ACTR3C: variants seen among roughly 807,000 people sequenced by gnomAD.
ACTR3C encodes the protein actin related protein 3C, also known as actin-related protein 3C.
In ACTR3C, 18 loss-of-function variants were observed where a neutral mutation model predicts 26.3. The observed-to-expected ratio is 0.68, with a 90% CI of 0.47 to 1.01. The LOEUF (loss-of-function observed/expected upper bound fraction) is 1.01, where lower values mean the gene tolerates loss of function less well. ACTR3C is among the 50% of genes least tolerant of loss of function. ACTR3C has a pLI of 0.00. For synonymous variants in ACTR3C, 55 were observed against 94.5 expected (o/e 0.58, Z 2.42); for missense variants, 184 against 250.7 (o/e 0.73, Z 1.80).
chr7:150,270,632 A>G (rs1483518654), intron 6 of ACTR3C, among the ~76,000 whole-genome samples: 1 of 152,044 alleles, frequency 6.6e-6, no homozygotes, highest in Non-Finnish European at 1.5e-5. Context: ...CCTGCAGCCC[A>G]TGTGCTCAGC....
intron 6 of ACTR3C, among the ~76,000 whole-genome samples, chr7:150,261,701 C>CATAAATAA (rs200953239): frequency 1.4e-4 from 15 of 109,428 alleles, no homozygotes; most frequent in East Asian, 1.2e-3. Context: ...GACTCCATCT[C>CATAAATAA]ATAAATAAAT....
At chr7:150,009,215 C>T in the ACTR3C span, among the ~76,000 whole-genome samples, 4 of 152,188 alleles carry the variant, frequency 2.6e-5, no homozygotes, top group African/African-American at 9.7e-5. Context: ...TGCTGTGCCA[C>T]GAGGGGCTTC....
At chr7:150,110,883 G>A in the ACTR3C span, among the ~76,000 whole-genome samples, 2 of 145,778 alleles carry the variant, frequency 1.4e-5, no homozygotes, top group African/African-American at 2.7e-5. Flanking sequence ...CTGGGGGCGG[G>A]GCTGGCCACT....
chr7:150,036,991 C>T, the ACTR3C span, among the ~76,000 whole-genome samples: 1 of 55,406 alleles, frequency 1.8e-5, no homozygotes, highest in African/African-American at 5.6e-5. Context: ...GCGGGGGGTG[C>T]CTCCGCCCCC....
At chr7:149,921,806 G>C in the ACTR3C span, among the ~76,000 whole-genome samples, 1 of 152,076 alleles carries the variant, frequency 6.6e-6, no homozygotes, top group East Asian at 1.9e-4. Context: ...GAACCCAGGA[G>C]GCAGAGGTTG....
the ACTR3C span, among the ~76,000 whole-genome samples, chr7:150,088,482 TA>T: frequency 6.6e-6 from 1 of 152,182 alleles, no homozygotes; most frequent in African/African-American, 2.4e-5. Context: ...GCGAAGGAAA[TA>T]AACAAAGAAA....
the ACTR3C span, among the ~76,000 whole-genome samples, chr7:150,133,256 T>C: frequency 4.6e-3 from 701 of 152,136 alleles, 7 homozygotes; most frequent in African/African-American, 0.016. Context: ...AGAGAAACAC[T>C]CCCGAGGTCA....
chr7:150,312,275 C>A (rs1796394218), intron 1 of ACTR3C, among the ~76,000 whole-genome samples: 1 of 152,202 alleles, frequency 6.6e-6, no homozygotes, highest in Admixed American at 6.5e-5. Flanking sequence ...ATGGAAAATT[C>A]ATTCTTCCTT....
the ACTR3C span, among the ~76,000 whole-genome samples, chr7:150,037,567 A>C: frequency 3.1e-3 from 132 of 42,226 alleles, 2 homozygotes; most frequent in African/African-American, 9.2e-3. Context: ...TGGGGGTCCT[A>C]AGAACCCGGG....
At chr7:149,893,119 C>A in the ACTR3C span, among the ~76,000 whole-genome samples, 1 of 152,168 alleles carries the variant, frequency 6.6e-6, no homozygotes, top group Non-Finnish European at 1.5e-5. Context: ...CACAAAGATT[C>A]CATTTTCCAT....
At chr7:150,180,418 T>C in the ACTR3C span, among the ~76,000 whole-genome samples, 56 of 150,936 alleles carry the variant, frequency 3.7e-4, no homozygotes, top group East Asian at 4.6e-3. Flanking sequence ...CCCTGACCAG[T>C]AGTGAGACTT....
the ACTR3C span, among the ~76,000 whole-genome samples, chr7:149,887,719 C>A: frequency 0.013 from 1,941 of 152,328 alleles, 27 homozygotes; most frequent in African/African-American, 0.044. Flanking sequence ...TATGATTTGG[C>A]TGTGCCCCCA....
At chr7:149,969,489 G>C in the ACTR3C span, among the ~76,000 whole-genome samples, 2 of 152,042 alleles carry the variant, frequency 1.3e-5, no homozygotes, top group Non-Finnish European at 2.9e-5. Flanking sequence ...GTGCATGAGC[G>C]GAAGTCTTCT....
chr7:149,915,186 T>G, the ACTR3C span, among the ~76,000 whole-genome samples: 1 of 152,144 alleles, frequency 6.6e-6, no homozygotes, highest in Non-Finnish European at 1.5e-5. Flanking sequence ...AATTTCATTC[T>G]TTATAGATGA....
intron 1 of ACTR3C, among the ~76,000 whole-genome samples, chr7:150,321,765 A>G (rs946022156): frequency 2.0e-5 from 3 of 152,162 alleles, no homozygotes; most frequent in Non-Finnish European, 4.4e-5. Context: ...AAAATAAAAA[A>G]CTTGGATAAA....
intron 1 of ACTR3C, among the ~76,000 whole-genome samples, chr7:150,315,035 T>C (rs1796719711): frequency 6.8e-6 from 1 of 147,400 alleles, no homozygotes; most frequent in Non-Finnish European, 1.5e-5. Flanking sequence ...TTATAAATAA[T>C]ATTAATAATT....
At chr7:150,226,583 C>G in the ACTR3C span, among the ~76,000 whole-genome samples, 5 of 152,076 alleles carry the variant, frequency 3.3e-5, no homozygotes, top group African/African-American at 7.2e-5. Flanking sequence ...GCTACAGGCA[C>G]GCACCACCAC....
chr7:149,917,587 T>TTGAAA, the ACTR3C span, among the ~76,000 whole-genome samples: 1 of 151,532 alleles, frequency 6.6e-6, no homozygotes, highest in Non-Finnish European at 1.5e-5. Flanking sequence ...GGTCAATTAA[T>TTGAAA]TTATGTTTGA....
the ACTR3C span, among the ~76,000 whole-genome samples, chr7:150,161,951 A>G: frequency 6.6e-6 from 1 of 152,058 alleles, no homozygotes; most frequent in Non-Finnish European, 1.5e-5. Flanking sequence ...ACAACAAAAT[A>G]CATCAGTCAT....
Sources: allele counts gnomAD v4.1 joint callset (sites outside exome capture counted in the v4.1 genomes callset), GRCh38; gene constraint gnomAD v4.1.1; transcripts MANE v1.5; gene names NCBI Gene and HGNC (gene_info 2026-07-23, HGNC 2026-07-21).